Variants in MCTP1 observed in about 807,000 individuals in gnomAD.
MCTP1 encodes multiple C2 and transmembrane domain-containing protein 1.
A neutral mutation model predicts 120.6 loss-of-function variants in MCTP1; 69 were observed. The observed-to-expected ratio is 0.57, with a 90% CI of 0.47 to 0.70. MCTP1 has a LOEUF of 0.70. Among genes scored for constraint, MCTP1 ranks in the 30% least tolerant of loss-of-function variants. MCTP1 has a pLI of 0.00. For missense variants in MCTP1, 1,203 were observed against 1,248.8 expected (o/e 0.96, Z 0.55); for synonymous variants, 529 against 493.1 (o/e 1.07, Z -0.96).
chr5:95,113,650 C>A (rs1757613682), intron 1 of MCTP1, among the ~76,000 whole-genome samples: 1 of 152,148 alleles, frequency 6.6e-6, no homozygotes, highest in Non-Finnish European at 1.5e-5. Flanking sequence ...TTCCTGCAAG[C>A]CTTATCATCG....
chr5:94,947,575 T>G lies in MCTP1; in HGVS notation c.982-5148A>C, dbSNP rs867197705. ...TACTAAATATATATATATATATATA[T>G]ATAGAGAGAGAGAGAGAGAGAGAGA... On this transcript the variant is annotated intron_variant, in intron 3 of 22. Transcript: ENST00000515393. Among the ~76,000 whole-genome samples the G allele has an allele frequency of 2.5e-3, 120 of 47,388 alleles. 1 individual carries two copies. The highest frequency in any genetic ancestry group is 8.8e-3 in the African/African-American group (88 of 9,970). The allele number at this position is 47,388 out of a possible 152,430, so 31.1% of individuals were successfully genotyped here.
chr5:95,279,770 G>A (rs1760162721), intron 1 of MCTP1, among the ~76,000 whole-genome samples: 1 of 152,106 alleles, frequency 6.6e-6, no homozygotes. Context: ...CCCTTTCTTT[G>A]GAATAAGCTG....
At chr5:95,065,986 C>G (rs773571752) in intron 1 of MCTP1, among the ~76,000 whole-genome samples, 1 of 151,938 alleles carries the variant, frequency 6.6e-6, no homozygotes, top group Non-Finnish European at 1.5e-5. Context: ...AAAGCACAAG[C>G]AACAAAAGCA....
chr5:95,103,860 G>GA (rs899391747), intron 1 of MCTP1, among the ~76,000 whole-genome samples: 23 of 152,154 alleles, frequency 1.5e-4, no homozygotes, highest in Non-Finnish European at 5.9e-5. Flanking sequence ...ACAATGGCTT[G>GA]AAGTTCAAAT....
At chr5:95,270,767 T>C (rs1759314887) in intron 1 of MCTP1, among the ~76,000 whole-genome samples, 1 of 151,982 alleles carries the variant, frequency 6.6e-6, no homozygotes, top group South Asian at 2.1e-4. Flanking sequence ...CCATCTTTAC[T>C]AAAAATATAA....
intron 1 of MCTP1, among the ~76,000 whole-genome samples, chr5:95,233,362 T>A (rs1429292988): frequency 6.6e-6 from 1 of 151,398 alleles, no homozygotes; most frequent in Admixed American, 6.6e-5. Context: ...GGAGTCTTGC[T>A]CTGTCACCTA....
chr5:94,859,437 TAGA>T (rs1330183048), intron 17 of MCTP1, among the ~76,000 whole-genome samples: 9 of 151,670 alleles, frequency 5.9e-5, no homozygotes, highest in Non-Finnish European at 1.3e-4. Context: ...TTCAAATAGG[TAGA>T]AGATTTTGAA....
At chr5:95,071,793 T>C (rs1348472060) in intron 1 of MCTP1, among the ~76,000 whole-genome samples, 1 of 152,184 alleles carries the variant, frequency 6.6e-6, no homozygotes, top group Non-Finnish European at 1.5e-5. Context: ...AGAATGGCAC[T>C]CATACTCACA....
intron 17 of MCTP1, among the ~76,000 whole-genome samples, chr5:94,799,646 T>C (rs1373571340): frequency 6.6e-6 from 1 of 152,164 alleles, no homozygotes; most frequent in Non-Finnish European, 1.5e-5. Flanking sequence ...AAAAAAGCAC[T>C]GCTACGGACA....
At chr5:95,218,874 GTATCTAAACA>G (rs1422646495) in intron 1 of MCTP1, among the ~76,000 whole-genome samples, 1 of 152,098 alleles carries the variant, frequency 6.6e-6, no homozygotes, top group Non-Finnish European at 1.5e-5. Flanking sequence ...AACCATTTGT[GTATCTAAACA>G]TATCTAAACA....
intron 19 of MCTP1, among the ~76,000 whole-genome samples, chr5:94,732,310 CATT>C (rs1763272600): frequency 6.6e-6 from 1 of 151,986 alleles, no homozygotes; most frequent in Admixed American, 6.6e-5. Context: ...TTTCTTAAAA[CATT>C]ATGAGACTTC....
intron 10 of MCTP1, among the ~76,000 whole-genome samples, chr5:94,905,828 G>C (rs148679964): frequency 6.6e-6 from 1 of 152,136 alleles, no homozygotes; most frequent in Non-Finnish European, 1.5e-5. Flanking sequence ...CTGGACTCTT[G>C]TGAATCAATG....
At chr5:94,989,318 C>T (rs1055073366) in intron 2 of MCTP1, among the ~76,000 whole-genome samples, 3 of 152,120 alleles carry the variant, frequency 2.0e-5, no homozygotes, top group African/African-American at 7.2e-5. Context: ...AACTTAGACC[C>T]TACATTAGTT....
At chr5:95,007,736 G>T (rs1457514255) in intron 2 of MCTP1, among the ~76,000 whole-genome samples, 1 of 152,170 alleles carries the variant, frequency 6.6e-6, no homozygotes. Context: ...TGTGAAAAAA[G>T]TGAAACTTCA....
intron 1 of MCTP1, among the ~76,000 whole-genome samples, chr5:95,127,452 G>A (rs1247488702): frequency 6.6e-6 from 1 of 152,156 alleles, no homozygotes; most frequent in Non-Finnish European, 1.5e-5. Context: ...GTTGGACCAT[G>A]AGGAAATCTG....
chr5:94,918,025 CA>C, intron 7 of MCTP1, 52 bp from the exon 8 acceptor site: 1 of 1,350,458 alleles, frequency 7.4e-7, no homozygotes. Flanking sequence ...GTACCATTCT[CA>C]ACCCCTCATT....
intron 19 of MCTP1, among the ~76,000 whole-genome samples, chr5:94,750,583 A>G (rs771644486): frequency 2.0e-5 from 3 of 152,188 alleles, no homozygotes; most frequent in South Asian, 2.1e-4. Context: ...TCTCTTTCCA[A>G]CATGGTGACT....
chr5:95,192,647 TTA>T (rs1749951369), intron 1 of MCTP1, among the ~76,000 whole-genome samples: 1 of 152,110 alleles, frequency 6.6e-6, no homozygotes. Context: ...ACAAATACTT[TTA>T]TATGTCTTGA....
At chr5:94,711,078 A>G in intron 20 of MCTP1, 151 bp from the exon 21 acceptor site, 2 of 640,740 alleles carry the variant, frequency 3.1e-6, no homozygotes, top group East Asian at 2.9e-5. Flanking sequence ...GACGCAGGCT[A>G]GCCATAATCT....
Sources: gnomAD v4.1 joint callset for allele counts (sites outside exome capture counted in the v4.1 genomes callset) on GRCh38, gnomAD v4.1.1 for gene constraint, MANE v1.5 for transcripts, NCBI Gene and HGNC (gene_info 2026-07-23, HGNC 2026-07-21) for gene names.